WWC2: variants seen among roughly 807,000 people sequenced by gnomAD.
The protein encoded by WWC2 is protein WWC2.
WWC2 carries 101 observed loss-of-function variants against 138.5 expected under a neutral mutation model. The ratio of observed to expected loss-of-function variants is 0.73; its 90% CI spans 0.62 to 0.86. WWC2 has a LOEUF of 0.86. WWC2 is among the 40% of genes least tolerant of loss of function. The pLI, the probability that WWC2 is intolerant of heterozygous loss-of-function variation, is 0.00. For missense variants in WWC2, 1,420 were observed against 1,419.4 expected (o/e 1.00, Z -0.01); for synonymous variants, 558 against 538.4 (o/e 1.04, Z -0.50).
chr4:183,314,611 T>C (rs1262457093), intron 22 of WWC2, among the ~76,000 whole-genome samples: 2 of 152,230 alleles, frequency 1.3e-5, no homozygotes, highest in Non-Finnish European at 2.9e-5. Flanking sequence ...TCCCTGGCCT[T>C]CTAATTTTTC....
chr4:183,317,076 C>T lies in WWC2; in HGVS notation c.*1347C>T, dbSNP rs556733758. 1.3e-5 allele frequency: 2 copies of T among 151,896 alleles called. No homozygotes were observed. The highest frequency in any genetic ancestry group is 1.3e-4 in the Admixed American group (2 of 15,246). The allele number at this position is 151,896 out of a possible 1,614,324, so 9.4% of individuals were successfully genotyped here. On this transcript the variant is annotated 3_prime_UTR_variant, in exon 23 of 23. Transcript: ENST00000403733. ...TAAACCATACTTATTACTCAATAAC[C>T]CAAGAAACAATTTTGGGTTAGCCAT...
intron 7 of WWC2, among the ~76,000 whole-genome samples, chr4:183,249,507 CTTAT>C (rs1408943806): frequency 6.6e-6 from 1 of 152,048 alleles, no homozygotes; most frequent in African/African-American, 2.4e-5. Context: ...AATTTTTGAA[CTTAT>C]TTAGTTTATA....
chr4:183,263,357 G>A (rs1420903561), intron 11 of WWC2, among the ~76,000 whole-genome samples: 1 of 152,212 alleles, frequency 6.6e-6, no homozygotes, highest in African/African-American at 2.4e-5. Flanking sequence ...TAACCCTGAG[G>A]TCTGGGAGTC....
chr4:183,237,202 GTATTT>G (rs1021274807), intron 4 of WWC2, among the ~76,000 whole-genome samples: 7 of 151,690 alleles, frequency 4.6e-5, no homozygotes, highest in African/African-American at 1.5e-4. Flanking sequence ...TAATTCCTAG[GTATTT>G]TATTTTATTT....
chr4:183,319,793 G>A lies in WWC2; in HGVS notation c.*4064G>A. 6.2e-7 allele frequency: 1 copy of A among 1,614,052 alleles called. No homozygotes were observed. Among genetic ancestry groups the A allele is most frequent in the Non-Finnish European group, 8.5e-7 (1 of 1,179,956 alleles). On this transcript the variant is annotated 3_prime_UTR_variant, in exon 23 of 23. Coordinates refer to ENST00000403733, the MANE Select transcript of WWC2 (RefSeq NM_024949.6). ...CATCCCAGAACTCCTGAACCGTCTT[G>A]TGGGCAACCCAAGAGACGGGAACCA...
Position 183,180,385 on chromosome 4 carries a change from C to T in WWC2, c.132-13214C>T, listed in dbSNP as rs75616388. ...AGGGTATCTTGTTGGTATTAGCTGA[C>T]GTTTCTTTCTTCTTAGATGTTTAGT... On this transcript the variant is annotated intron_variant, in intron 1 of 22. Transcript: ENST00000403733. Among the ~76,000 whole-genome samples, 107 of 152,250 alleles carry T rather than the reference C, an allele frequency of 7.0e-4. 1 individual carries two copies. The highest frequency in any genetic ancestry group is 2.4e-3 in the African/African-American group (98 of 41,544).
chr4:183,282,458 T>G, intron 17 of WWC2: 1 of 537,562 alleles, frequency 1.9e-6, no homozygotes, highest in Non-Finnish European at 3.3e-6. Flanking sequence ...TTTTGATATC[T>G]AGAAGTTAGG....
chr4:183,120,314 GT>G (rs1732558096), intron 1 of WWC2, among the ~76,000 whole-genome samples: 1 of 152,176 alleles, frequency 6.6e-6, no homozygotes, highest in Non-Finnish European at 1.5e-5. Context: ...ACTGTGAATT[GT>G]TAACAAAGAA....
rs552427889 is a variant in WWC2 at position 183,193,814 on chromosome 4, C to T, written c.241+106C>T. ...TGTTACAAAGTGAATTTCCAAAACC[C>T]CATTTTCTTAGTGACTAATATTTAA... On this transcript the variant is annotated intron_variant, in intron 2 of 22. Transcript: ENST00000403733. 31 of 991,352 alleles carry T rather than the reference C, an allele frequency of 3.1e-5. No individual in the cohort carries two copies. The South Asian group carries it at 3.6e-4, about 12-fold the overall frequency. The allele number at this position is 991,352 out of a possible 1,614,324, so 61.4% of individuals were successfully genotyped here.
chr4:183,102,169 T>G (rs1743201079), intron 1 of WWC2, among the ~76,000 whole-genome samples: 1 of 152,220 alleles, frequency 6.6e-6, no homozygotes, highest in Admixed American at 6.5e-5. Flanking sequence ...TTTTATTGAC[T>G]AAGTTTACGT....
chr4:183,258,992 T>C (rs1392103090), intron 9 of WWC2, among the ~76,000 whole-genome samples: 5 of 152,144 alleles, frequency 3.3e-5, no homozygotes, highest in African/African-American at 9.7e-5. Flanking sequence ...ACTTTTGCAG[T>C]TGAATGTGGA....
At chr4:183,132,151 G>A (rs1191568397) in intron 1 of WWC2, among the ~76,000 whole-genome samples, 1 of 152,026 alleles carries the variant, frequency 6.6e-6, no homozygotes, top group Non-Finnish European at 1.5e-5. Flanking sequence ...GATTATATAT[G>A]TGAAGACAGT....
intron 21 of WWC2, among the ~76,000 whole-genome samples, chr4:183,291,021 C>G (rs1029441518): frequency 6.6e-6 from 1 of 152,202 alleles, no homozygotes; most frequent in African/African-American, 2.4e-5. Flanking sequence ...CTTATCCCAC[C>G]TGATAGAAGG....
intron 21 of WWC2, among the ~76,000 whole-genome samples, chr4:183,307,396 T>C (rs1476557037): frequency 6.6e-6 from 1 of 152,238 alleles, no homozygotes; most frequent in Non-Finnish European, 1.5e-5. Flanking sequence ...ATCAACTCTC[T>C]GCAATCTCTT....
intron 21 of WWC2, among the ~76,000 whole-genome samples, chr4:183,305,741 A>G (rs1168171117): frequency 6.6e-6 from 1 of 152,218 alleles, no homozygotes; most frequent in African/African-American, 2.4e-5. Flanking sequence ...TGCTCAGTGG[A>G]CCTGCCTAGC....
intron 1 of WWC2, among the ~76,000 whole-genome samples, chr4:183,135,270 CTGTG>C (rs1733073431): frequency 6.6e-6 from 1 of 152,048 alleles, no homozygotes; most frequent in Admixed American, 6.5e-5. Context: ...GTAATTATTA[CTGTG>C]TTCATATATG....
intron 17 of WWC2, among the ~76,000 whole-genome samples, chr4:183,281,848 C>G (rs1301553982): frequency 6.6e-6 from 1 of 152,120 alleles, no homozygotes; most frequent in Non-Finnish European, 1.5e-5. Context: ...AATAGTAATT[C>G]TCATATATGT....
chr4:183,164,629 A>G (rs1734083823), intron 1 of WWC2, among the ~76,000 whole-genome samples: 1 of 151,936 alleles, frequency 6.6e-6, no homozygotes, highest in Admixed American at 6.6e-5. Flanking sequence ...CCAGCAGCAG[A>G]GAAGTAGGTC....
At chr4:183,151,225 G>T (rs779444658) in intron 1 of WWC2, among the ~76,000 whole-genome samples, 2 of 152,040 alleles carry the variant, frequency 1.3e-5, no homozygotes, top group South Asian at 2.1e-4. Flanking sequence ...TTTAATGATC[G>T]CTGTTCTAAC....
Sources: allele counts gnomAD v4.1 joint callset (sites outside exome capture counted in the v4.1 genomes callset), GRCh38; gene constraint gnomAD v4.1.1; transcripts MANE v1.5; gene names NCBI Gene and HGNC (gene_info 2026-07-23, HGNC 2026-07-21).